Variants in HSF4 observed in about 807,000 individuals in gnomAD.
The protein encoded by HSF4 is heat shock factor protein 4.
Under a neutral mutation model 52.0 loss-of-function variants are expected in HSF4, and 41 were observed. That is an observed-to-expected ratio of 0.79 (90% confidence interval 0.61 to 1.02). HSF4 has a LOEUF of 1.02. HSF4 is among the 50% of genes least tolerant of loss of function. The probability of loss-of-function intolerance (pLI) is 0.00; values close to 1 mark genes in which losing one functional copy is unlikely to be tolerated. For missense variants in HSF4, 610 were observed against 651.1 expected (o/e 0.94, Z 0.69); for synonymous variants, 285 against 273.0 (o/e 1.04, Z -0.43).
Position 67,165,456 on chromosome 16 carries a change from C to T in HSF4, c.124-66C>T. ...GCGCGCGCTGGAGCGCAGGACTGGC[C>T]GTGAGCGGGCACCGCTCACCCTCCT... On this transcript the variant is annotated intron_variant, in intron 1 of 12. Transcript: ENST00000521374. The surrounding 1 kb of genome is among the most constrained non-coding windows in gnomAD (Gnocchi z 6.9). 7.1e-7 allele frequency: 1 copy of T among 1,409,156 alleles called. No individual in the cohort carries two copies. The highest frequency in any genetic ancestry group is 1.0e-6 in the Non-Finnish European group (1 of 995,732). 87.3% of individuals were successfully genotyped at this position (1,409,156 alleles called of 1,614,324 possible).
chr16:67,165,071 G>A lies in HSF4; in HGVS notation c.123+137G>A. On this transcript the variant is annotated intron_variant, in intron 1 of 12. Transcript: ENST00000521374. This position sits in a 1 kb window ranked among gnomAD's most constrained non-coding sequence, Gnocchi z 6.9. ...TGGCCATTCAGAGAAGTTCACCTTG[G>A]AGGGGGTGTGCGAGAGGGGGGTTTC... 1.0e-6 allele frequency: 1 copy of A among 981,568 alleles called. No homozygotes were observed. Among genetic ancestry groups the A allele is most frequent in the Non-Finnish European group, 1.5e-6 (1 of 683,774 alleles). The allele number at this position is 981,568 out of a possible 1,614,324, so 60.8% of individuals were successfully genotyped here. A position where few individuals can be genotyped will look rare whatever the true frequency, so the allele number is the denominator to read the frequency against.
At chr16:67,164,563 A>AC, upstream of HSF4, 1 of 209,978 alleles carries the variant, frequency 4.8e-6, no homozygotes, top group Non-Finnish European at 9.7e-6. Flanking sequence ...ACCCCACCCC[A>AC]CCCCACTCCA....
At position 67,169,644 on chromosome 16, in the gene HSF4, G is replaced by T; in HGVS notation, c.1338G>T (p.Thr446=). The T allele has an allele frequency of 6.2e-7, 1 of 1,608,992 alleles. No individual in the cohort carries two copies. Residue 446 remains threonine, a synonymous_variant, in exon 13 of 13, where the codon ACG becomes ACT. Transcript: ENST00000521374. The surrounding 1 kb of genome is among the most constrained non-coding windows in gnomAD (Gnocchi z 4.3). ...CACTTCTCCTAGGGAAGGACCCCACGCTCGGGGCCCCACTCCTGCTGGATG... is the reference window on the plus strand; with the variant it reads ...CACTTCTCCTAGGGAAGGACCCCACTCTCGGGGCCCCACTCCTGCTGGATG... ...LNSPSPGKDP[T]LGAPLLLDVQ...
chr16:67,164,599 C>T (rs1040043399), upstream of HSF4: 3 of 418,532 alleles, frequency 7.2e-6, no homozygotes, highest in East Asian at 1.5e-4. Flanking sequence ...CCACTCCACT[C>T]CACTCCACAC....
chr16:67,168,852 C>CGG lies in HSF4; in HGVS notation c.1107_1108dup (p.Asp370GlyfsTer27). 6.2e-7 allele frequency: 1 copy of CGG among 1,613,846 alleles called. No homozygotes were observed. The highest frequency in any genetic ancestry group is 1.1e-5 in the South Asian group (1 of 91,078). On this transcript the variant is annotated frameshift_variant, in exon 10 of 13. Transcript: ENST00000521374. LOFTEE classifies it high-confidence loss of function. The stretch of plus-strand genomic sequence containing the variant: ...ACAGGGGGCCTCTGGGCCTGGAAAG[C>CGG]GGGGACAGGAGCCCAGAGAGTCTGC...
intron 5 of HSF4, 41 bp downstream of exon 5, chr16:67,166,436 C>G (rs1459528475): frequency 6.3e-7 from 1 of 1,591,600 alleles, no homozygotes; most frequent in East Asian, 2.3e-5. Flanking sequence ...TCCCACTCCT[C>G]GACACCCCAT....
chr16:67,166,994 C>T (rs1265248008), intron 6 of HSF4, 126 bp from the exon 7 acceptor site: 1 of 1,320,058 alleles, frequency 7.6e-7, no homozygotes, highest in South Asian at 1.2e-5. Context: ...TGACTGACAC[C>T]CTAGCAACAG....
chr16:67,168,372 G>T (rs897481111), intron 9 of HSF4, among the ~76,000 whole-genome samples: 1 of 152,134 alleles, frequency 6.6e-6, no homozygotes, highest in African/African-American at 2.4e-5. Flanking sequence ...TACTCAGGAG[G>T]CTGAGGCAGG....
chr16:67,163,772 C>G, upstream of HSF4: 2 of 1,576,020 alleles, frequency 1.3e-6, no homozygotes, highest in Non-Finnish European at 1.7e-6. Flanking sequence ...CCTATACCCT[C>G]AAGCTCACGC....
Position 67,164,805 on chromosome 16 carries a change from C to A in HSF4, c.-7C>A. ...GCCCGAGCGCAGAGCCGGGCCGAGA[C>A]TGCACCATGCAGGAAGCGCCAGCTG... On this transcript the variant is annotated 5_prime_UTR_variant, in exon 1 of 13. In the 5' UTR this introduces an upstream ATG that the reference lacks. Coordinates refer to ENST00000521374, the MANE Select transcript of HSF4 (RefSeq NM_001374675.1). 3 of 1,596,912 alleles carry A rather than the reference C, an allele frequency of 1.9e-6. No homozygotes were observed. The highest frequency in any genetic ancestry group is 2.5e-6 in the Non-Finnish European group (3 of 1,177,788).
rs548507166 is a variant in HSF4, at chr16:67,167,627, G to A, written c.854+28G>A. Reference sequence around the variant, plus strand: ...AAGGGGGACAGGGCTGCCCCTGAGGGGCCTGTGGGGGAGGGCCTGGCAGCC... The same window carrying A: ...AAGGGGGACAGGGCTGCCCCTGAGGAGCCTGTGGGGGAGGGCCTGGCAGCC... On this transcript the variant is annotated intron_variant, in intron 8 of 12. Transcript: ENST00000521374. 16 of 1,612,626 alleles carry A rather than the reference G, an allele frequency of 9.9e-6. No individual in the cohort carries two copies. In the South Asian group the frequency reaches 1.8e-4, roughly 18 times the overall value.
Position 67,168,816 on chromosome 16 carries a change from G to C in HSF4, c.1083-15G>C, listed in dbSNP as rs753533977. The C allele has an allele frequency of 5.7e-5, 91 of 1,607,082 alleles. 1 individual carries two copies. The South Asian group carries it at 8.7e-4, about 15-fold the overall frequency. On this transcript the variant is annotated splice_polypyrimidine_tract_variant and intron_variant, in intron 9 of 12. Transcript: ENST00000521374. ...GGGTGGACACTGCAGGCCAAAAGCA[G>C]TTCTGTCTGCACAGGGGGCCTCTGG...
Position 67,169,545 on chromosome 16 carries a change from G to A in HSF4, c.1325-86G>A. On this transcript the variant is annotated intron_variant, in intron 12 of 12. Coordinates refer to ENST00000521374, the MANE Select transcript of HSF4 (RefSeq NM_001374675.1). This position sits in a 1 kb window ranked among gnomAD's most constrained non-coding sequence, Gnocchi z 4.3. ...AGAATGGATGTTTTATCCTAACTGA[G>A]CAGAAGGCAGGCGGGCAGGGCTCTC... 6.3e-7 allele frequency: 1 copy of A among 1,598,526 alleles called. No individual in the cohort carries two copies. The highest frequency in any genetic ancestry group is 8.5e-7 in the Non-Finnish European group (1 of 1,179,430).
In HSF4 at chr16:67,167,781, G is replaced by C. The variant is rs780997957; in HGVS notation, c.916G>C (p.Gly306Arg). The change falls in exon 9 of 13, where the codon GGG becomes CGG. Residue 306 changes from glycine to arginine, a missense_variant. Gly to Arg is a moderately radical substitution (Grantham distance 125). Transcript: ENST00000521374. ...CAGTCCAGGGGGGGATGGCGAGGCCGGGCTGGCCCTGGCCCCAAACGAGTG... is the reference window on the plus strand; with the variant it reads ...CAGTCCAGGGGGGGATGGCGAGGCCCGGCTGGCCCTGGCCCCAAACGAGTG... ...PASPGGDGEAGLALAPNECDF... is the reference protein window; with the variant it reads ...PASPGGDGEARLALAPNECDF... 12 of 1,601,110 alleles carry C rather than the reference G, an allele frequency of 7.5e-6. 1 individual carries two copies. The South Asian group carries it at 1.3e-4, about 18-fold the overall frequency.
chr16:67,167,644 C>A (rs755157084), intron 8 of HSF4, 45 bp downstream of exon 8: 11 of 1,612,124 alleles, frequency 6.8e-6, no homozygotes, highest in African/African-American at 1.3e-5. Flanking sequence ...GGGGGAGGGC[C>A]TGGCAGCCCA....
At position 67,164,833 on chromosome 16, in the gene HSF4, C is replaced by G. The variant is rs369983669; in HGVS notation, c.22C>G (p.Leu8Val). The change falls in exon 1 of 13, where the codon CTG becomes GTG. Residue 8 changes from leucine to valine, a missense_variant. Leu to Val is a conservative substitution (Grantham distance 32). Transcript: ENST00000521374. The stretch of plus-strand genomic sequence containing the variant: ...CACCATGCAGGAAGCGCCAGCTGCG[C>G]TGCCCACGGAGCCAGGCCCCAGCCC... MQEAPAA[L>V]PTEPGPSPVP... is the part of the protein sequence containing the mutation. The G allele has an allele frequency of 1.7e-5, 27 of 1,602,806 alleles. No individual in the cohort carries two copies. Among genetic ancestry groups the G allele is most frequent in the African/African-American group, 1.6e-4 (12 of 74,852 alleles).
rs1311374765 is a variant in HSF4 at position 67,167,053 on chromosome 16, G to A, written c.627-67G>A. The stretch of plus-strand genomic sequence containing the variant: ...GCTGGGGCCTGAGGGAGGGAGGGAA[G>A]TGCAGGCCGAGGTGCATGGGGGCTG... On this transcript the variant is annotated intron_variant, in intron 6 of 12. Coordinates refer to ENST00000521374, the MANE Select transcript of HSF4 (RefSeq NM_001374675.1). 3.7e-6 allele frequency: 6 copies of A among 1,610,596 alleles called. No individual in the cohort carries two copies. The African/African-American group carries it at 8.0e-5, about 22-fold the overall frequency.
Position 67,167,822 on chromosome 16 carries a change from A to G in HSF4, c.957A>G (p.Thr319=). 1 of 1,590,474 alleles carries G rather than the reference A, an allele frequency of 6.3e-7. No homozygotes were observed. Among genetic ancestry groups the G allele is most frequent in the Non-Finnish European group, 8.6e-7 (1 of 1,169,268 alleles). ...CAAACGAGTGTGACTTCTGCGTGAC[A>G]GCCCCCCCGCCACTGCCTGTGGCTG... is the stretch of plus-strand genomic sequence containing the variant. The part of the protein sequence containing the change: ...LAPNECDFCV[T]APPPLPVAVV... Residue 319 remains threonine (T), a synonymous_variant, in exon 9 of 13, where the codon ACA becomes ACG. Coordinates refer to ENST00000521374, the MANE Select transcript of HSF4 (RefSeq NM_001374675.1).
Position 67,164,838 on chromosome 16 carries a change from C to T in HSF4, c.27C>T (p.Pro9=). 6.2e-7 allele frequency: 1 copy of T among 1,603,730 alleles called. No individual in the cohort carries two copies. Among genetic ancestry groups the T allele is most frequent in the Non-Finnish European group, 8.5e-7 (1 of 1,178,646 alleles). MQEAPAAL[P]TEPGPSPVPA... ...TGCAGGAAGCGCCAGCTGCGCTGCC[C>T]ACGGAGCCAGGCCCCAGCCCCGTGC... The change falls in exon 1 of 13, where the codon CCC becomes CCT. Residue 9 remains proline, a synonymous_variant. Transcript: ENST00000521374.
Sources: gnomAD v4.1 joint callset for allele counts (sites outside exome capture counted in the v4.1 genomes callset) on GRCh38, gnomAD v4.1.1 for gene constraint, Gnocchi (gnomAD v3.1) non-coding constraint, MANE v1.5 for transcripts, NCBI Gene and HGNC (gene_info 2026-07-23, HGNC 2026-07-21) for gene names.